The following DOCK8 variants were observed in gnomAD, a reference collection of about 807,000 sequenced individuals.
The protein encoded by DOCK8 is dedicator of cytokinesis 8.
DOCK8 carries 141 observed loss-of-function variants against 245.6 expected under a neutral mutation model. That is an observed-to-expected ratio of 0.57 (90% CI 0.50 to 0.66). The LOEUF (loss-of-function observed/expected upper bound fraction) is 0.66, where lower values mean the gene tolerates loss of function less well. Ranked by LOEUF, DOCK8 falls within the 30% of genes least tolerant of loss-of-function variation. The pLI is 0.00. For missense variants in DOCK8, 2,965 were observed against 2,603.4 expected, an observed-to-expected ratio of 1.14 and a Z score of -3.02; for synonymous variants, 1,168 against 970.2, an observed-to-expected ratio of 1.20 and a Z score of -3.79.
At chr9:220,344 C>G (rs1348188949) in intron 1 of DOCK8, among the ~76,000 whole-genome samples, 1 of 152,158 alleles carries the variant, frequency 6.6e-6, no homozygotes, top group African/African-American at 2.4e-5. Flanking sequence ...TCTTTGAGTT[C>G]TGACCATTTA....
intron 14 of DOCK8, among the ~76,000 whole-genome samples, chr9:364,641 GAAA>G (rs34033459): frequency 2.4e-5 from 2 of 84,496 alleles, no homozygotes; most frequent in Admixed American, 1.3e-4. Context: ...CTCAAAAATT[GAAA>G]AAAAAAAAAA....
At chr9:317,566 C>T (rs373073488) in intron 7 of DOCK8, among the ~76,000 whole-genome samples, 1 of 152,166 alleles carries the variant, frequency 6.6e-6, no homozygotes, top group Admixed American at 6.5e-5. Context: ...CAATGCTACA[C>T]GTTTGCACCA....
intron 1 of DOCK8, among the ~76,000 whole-genome samples, chr9:242,637 A>G (rs2047401714): frequency 6.6e-6 from 1 of 152,210 alleles, no homozygotes; most frequent in Non-Finnish European, 1.5e-5. Context: ...GAGTACGGTT[A>G]TGCAGTATGT....
chr9:289,555 C>G lies in DOCK8; in HGVS notation c.378C>G (p.Ile126Met), dbSNP rs141175202. ...TCAGGGACTGTGTTCAGACCTACATCCGTGAGTGGCTAATCGTGAACCGGA... is the reference window on the plus strand; with the variant it reads ...TCAGGGACTGTGTTCAGACCTACATGCGTGAGTGGCTAATCGTGAACCGGA... ...PHVRDCVQTY[I>M]REWLIVNRKN... is the part of the protein sequence containing the mutation. The change falls in exon 4 of 48, where the codon ATC becomes ATG. Residue 126 changes from isoleucine (I) to methionine (M), a missense_variant. Around this residue, in one of 3 missense-constraint regions of DOCK8, gnomAD observed 2,825 missense variants for 2,453.5 expected, o/e 1.15. Coordinates refer to ENST00000432829, the MANE Select transcript of DOCK8 (RefSeq NM_203447.4). 261 of 1,612,360 alleles carry G rather than the reference C, an allele frequency of 1.6e-4. 1 individual carries two copies. The African/African-American group carries it at 3.0e-3, about 19-fold the overall frequency.
intron 22 of DOCK8, 45 bp from the exon 23 acceptor site, chr9:386,286 T>C: frequency 6.5e-7 from 1 of 1,546,084 alleles, no homozygotes; most frequent in South Asian, 1.1e-5. Context: ...CTGGCTTACC[T>C]TTCCATGGTT....
At position 386,097 on chromosome 9, in the gene DOCK8, A is replaced by G. The variant is rs78439360; in HGVS notation, c.2779-234A>G. On this transcript the variant is annotated intron_variant, in intron 22 of 47. Coordinates refer to ENST00000432829, the MANE Select transcript of DOCK8 (RefSeq NM_203447.4). ...AGCCCAGATTCTTAAATAGTTTTTAACTGTAGGTTGCTACACACAAACTAT... is the reference window on the plus strand; with the variant it reads ...AGCCCAGATTCTTAAATAGTTTTTAGCTGTAGGTTGCTACACACAAACTAT... Among the ~76,000 whole-genome samples the G allele has an allele frequency of 5.7e-3, 865 of 152,254 alleles. 9 individuals carry two copies. Among genetic ancestry groups the G allele is most frequent in the African/African-American group, 0.02 (835 of 41,550 alleles).
At position 396,836 on chromosome 9, in the gene DOCK8, C is replaced by T. The variant is rs16937932; in HGVS notation, c.3022C>T (p.Arg1008Trp). ...TAACATGGACAAACGGGACAGTTTTCGGAGGACTCGTTTTTCTGACCGTTT... is the reference window on the plus strand; with the variant it reads ...TAACATGGACAAACGGGACAGTTTTTGGAGGACTCGTTTTTCTGACCGTTT... The part of the protein sequence containing the change: ...VHNMDKRDSF[R>W]RTRFSDRFMD... The change falls in exon 25 of 48, where the codon CGG (arginine) becomes TGG (tryptophan). Residue 1008 changes from arginine to tryptophan, a missense_variant. Arg to Trp is a moderately radical substitution (Grantham distance 101). Around this residue, in one of 3 missense-constraint regions of DOCK8, gnomAD observed 2,825 missense variants for 2,453.5 expected, o/e 1.15. Transcript: ENST00000432829. 7.4e-4 allele frequency: 1,201 copies of T among 1,614,060 alleles called. 6 individuals are homozygous for T. The African/African-American group carries it at 0.013, about 17-fold the overall frequency.
At chr9:462,865 A>G (rs1337895087) in intron 46 of DOCK8, among the ~76,000 whole-genome samples, 2 of 152,164 alleles carry the variant, frequency 1.3e-5, no homozygotes, top group African/African-American at 2.4e-5. Flanking sequence ...GTGTGTTTTG[A>G]GTCTGACTCT....
chr9:360,423 G>C (rs943848061), intron 14 of DOCK8, among the ~76,000 whole-genome samples: 1 of 151,760 alleles, frequency 6.6e-6, no homozygotes, highest in Non-Finnish European at 1.5e-5. Context: ...ATTTCCCTAA[G>C]CTGGAAGCAC....
intron 28 of DOCK8, among the ~76,000 whole-genome samples, chr9:409,300 G>T (rs1311071160): frequency 1.3e-5 from 2 of 152,112 alleles, no homozygotes; most frequent in Non-Finnish European, 2.9e-5. Context: ...TAAATCCACA[G>T]TGTTTTTCAA....
intron 26 of DOCK8, among the ~76,000 whole-genome samples, chr9:401,968 T>C (rs1410717685): frequency 6.6e-6 from 1 of 152,152 alleles, no homozygotes; most frequent in Non-Finnish European, 1.5e-5. Context: ...CCCACCAGAA[T>C]AGAATGGCAG....
At chr9:350,692 G>A (rs947567718) in intron 14 of DOCK8, among the ~76,000 whole-genome samples, 5 of 152,246 alleles carry the variant, frequency 3.3e-5, no homozygotes, top group East Asian at 3.9e-4. Context: ...CTCACTTTGC[G>A]GATAAGCAGA....
rs531365530 is a variant in DOCK8 at position 309,323 on chromosome 9, G to C, written c.529-2631G>C. Among the ~76,000 whole-genome samples, 106 of 152,116 alleles carry C rather than the reference G, an allele frequency of 7.0e-4. 1 individual carries two copies. The highest frequency in any genetic ancestry group is 2.4e-3 in the African/African-American group (100 of 41,476). On this transcript the variant is annotated intron_variant, in intron 5 of 47. Transcript: ENST00000432829. ...ATATTGATTATTTCTAGCACATTCA[G>C]TTTGGGGAAAATTTATGATCTAGTA... is the stretch of plus-strand genomic sequence containing the variant.
chr9:404,512 C>T (rs1343823945), intron 26 of DOCK8, among the ~76,000 whole-genome samples: 1 of 152,122 alleles, frequency 6.6e-6, no homozygotes, highest in Non-Finnish European at 1.5e-5. Context: ...GTCATCTAGT[C>T]ATATTCTATT....
chr9:442,316 C>A (rs72705623), intron 42 of DOCK8, among the ~76,000 whole-genome samples: 11 of 152,316 alleles, frequency 7.2e-5, no homozygotes, highest in African/African-American at 1.2e-4. Flanking sequence ...TTTCTTATCA[C>A]CCTTTCCAAA....
chr9:307,666 G>T (rs1387593867), intron 5 of DOCK8, among the ~76,000 whole-genome samples: 1 of 151,910 alleles, frequency 6.6e-6, no homozygotes, highest in Non-Finnish European at 1.5e-5. Flanking sequence ...CCCACTGTCT[G>T]TGTTTAAGAG....
Position 438,311 on chromosome 9 carries a change from A to G in DOCK8, c.5080-934A>G, listed in dbSNP as rs138571651. On this transcript the variant is annotated intron_variant, in intron 39 of 47. Transcript: ENST00000432829. ...CGAGACTATGTCCAAGCTCTGGGGA[A>G]AAAGTGCTACAGTTGATTAGTTATG... 3.2e-4 allele frequency among the ~76,000 whole-genome samples: 49 copies of G among 152,346 alleles called. No homozygotes were observed. The East Asian group carries it at 8.7e-3, about 27-fold the overall frequency.
chr9:217,256 C>A (rs137954651), intron 1 of DOCK8, among the ~76,000 whole-genome samples: 1 of 152,186 alleles, frequency 6.6e-6, no homozygotes, highest in African/African-American at 2.4e-5. Context: ...TCACTGCTGT[C>A]ATTATCTCCA....
At chr9:328,205 T>A in intron 9 of DOCK8, 34 bp downstream of exon 9, 1 of 1,596,994 alleles carries the variant, frequency 6.3e-7, no homozygotes, top group Non-Finnish European at 8.5e-7. Flanking sequence ...CCCAATCTGA[T>A]GTTTTCATTG....
Sources: gnomAD v4.1 joint callset for allele counts (sites outside exome capture counted in the v4.1 genomes callset) on GRCh38, gnomAD v4.1.1 for gene constraint, gnomAD v4.1.1 regional missense constraint, MANE v1.5 for transcripts, NCBI Gene and HGNC (gene_info 2026-07-23, HGNC 2026-07-21) for gene names.